The following KIF26A variants were observed in gnomAD, a reference collection of about 807,000 sequenced individuals.
KIF26A encodes kinesin-like protein KIF26A.
Under a neutral mutation model 126.0 loss-of-function variants are expected in KIF26A, and 74 were observed. That is an observed-to-expected ratio of 0.59 (90% CI 0.49 to 0.71). The LOEUF is 0.71. Ranked by LOEUF, KIF26A falls within the 30% of genes least tolerant of loss-of-function variation. The pLI, the probability that KIF26A is intolerant of heterozygous loss-of-function variation, is 0.00. For missense variants in KIF26A, 2,984 were observed against 2,763.3 expected (o/e 1.08, Z -1.79); for synonymous variants, 1,445 against 1,232.7 (o/e 1.17, Z -3.61).
Position 104,173,854 on chromosome 14 carries a change from G to C in KIF26A, c.2016G>C (p.Lys672Asn), listed in dbSNP as rs762537577. Residue 672 changes from lysine (K) to asparagine (N), a missense_variant, in exon 10 of 15, where the codon AAG (lysine) becomes AAC (asparagine). By Grantham distance (94) the Lys-to-Asn change is moderately conservative (BLOSUM62 0). Coordinates refer to ENST00000423312, the MANE Select transcript of KIF26A (RefSeq NM_015656.2). ...TCTTGGCCCTGGTCAACGGAGCCAAGCATGTGCCGTATCGGTGAGTGTAGG... is the reference window on the plus strand; with the variant it reads ...TCTTGGCCCTGGTCAACGGAGCCAACCATGTGCCGTATCGGTGAGTGTAGG... ...SVILALVNGA[K>N]HVPYRDHRLT... is the part of the protein sequence containing the mutation. 2 of 1,594,930 alleles carry C rather than the reference G, an allele frequency of 1.3e-6. No homozygotes were observed.
intron 2 of KIF26A, among the ~76,000 whole-genome samples, chr14:104,143,566 C>T (rs1007699206): frequency 6.6e-6 from 1 of 152,240 alleles, no homozygotes; most frequent in Non-Finnish European, 1.5e-5. Context: ...TCTCTGTCTC[C>T]ACAGCCCCCA....
Position 104,176,720 on chromosome 14 carries a change from C to A in KIF26A, c.3932C>A (p.Thr1311Asn). 1 of 1,585,186 alleles carries A rather than the reference C, an allele frequency of 6.3e-7. No individual in the cohort carries two copies. The highest frequency in any genetic ancestry group is 8.6e-7 in the Non-Finnish European group (1 of 1,166,596). ...ARIPPLRRGA[T>N]TLGVTTPAVS... ...ATCCCACCGCTGCGGAGGGGTGCCA[C>A]CACGCTGGGTGTGACAACGCCAGCT... is the stretch of plus-strand genomic sequence containing the variant. The change falls in exon 12 of 15, where the codon ACC becomes AAC. Residue 1311 changes from threonine to asparagine, a missense_variant. Transcript: ENST00000423312.
intron 4 of KIF26A, among the ~76,000 whole-genome samples, chr14:104,165,157 G>A (rs1566860601): frequency 6.6e-6 from 1 of 151,668 alleles, no homozygotes; most frequent in African/African-American, 2.4e-5. Context: ...GTATGCATGT[G>A]TGTATCTCTA....
In KIF26A at chr14:104,176,662, A is replaced by T; in HGVS notation, c.3874A>T (p.Arg1292Trp). 1 of 1,600,010 alleles carries T rather than the reference A, an allele frequency of 6.2e-7. No homozygotes were observed. The highest frequency in any genetic ancestry group is 8.5e-7 in the Non-Finnish European group (1 of 1,173,096). Residue 1292 changes from arginine (R) to tryptophan (W), a missense_variant, in exon 12 of 15, where the codon AGG becomes TGG. Coordinates refer to ENST00000423312, the MANE Select transcript of KIF26A (RefSeq NM_015656.2). ...RVVDGCEVAA[R>W]AARRPEAVAR... is the part of the protein sequence containing the mutation. ...GGTGGACGGGTGTGAGGTGGCAGCC[A>T]GGGCGGCCCGCAGGCCAGAGGCTGT... is the stretch of plus-strand genomic sequence containing the variant.
chr14:104,160,736 A>T (rs923306489), intron 4 of KIF26A, among the ~76,000 whole-genome samples: 1 of 152,162 alleles, frequency 6.6e-6, no homozygotes, highest in Admixed American at 6.5e-5. Context: ...CGGCGCTGGG[A>T]GCCTCTGCAG....
chr14:104,176,672 G>T lies in KIF26A; in HGVS notation c.3884G>T (p.Arg1295Leu). 1.3e-6 allele frequency: 2 copies of T among 1,597,144 alleles called. No homozygotes were observed. The highest frequency in any genetic ancestry group is 1.7e-6 in the Non-Finnish European group (2 of 1,171,804). Residue 1295 changes from arginine to leucine, a missense_variant, in exon 12 of 15, where the codon CGC (arginine) becomes CTC (leucine). Arg to Leu is a moderately radical substitution (Grantham distance 102). Coordinates refer to ENST00000423312, the MANE Select transcript of KIF26A (RefSeq NM_015656.2). ...DGCEVAARAA[R>L]RPEAVARIPP... ...TGTGAGGTGGCAGCCAGGGCGGCCC[G>T]CAGGCCAGAGGCTGTGGCTCGGATC... is the stretch of plus-strand genomic sequence containing the variant.
intron 2 of KIF26A, among the ~76,000 whole-genome samples, chr14:104,150,151 C>G (rs1326969906): frequency 8.0e-6 from 1 of 125,624 alleles, no homozygotes; most frequent in Non-Finnish European, 1.7e-5. Flanking sequence ...CCTCCCCCTC[C>G]TCCTCCTCCC....
chr14:104,177,719 C>G lies in KIF26A; in HGVS notation c.4931C>G (p.Ala1644Gly). The G allele has an allele frequency of 6.5e-7, 1 of 1,536,586 alleles. No individual in the cohort carries two copies. Among genetic ancestry groups the G allele is most frequent in the Non-Finnish European group, 8.7e-7 (1 of 1,147,244 alleles). The change falls in exon 12 of 15, where the codon GCC (alanine) becomes GGC (glycine). Residue 1644 changes from alanine (A) to glycine (G), a missense_variant. Coordinates refer to ENST00000423312, the MANE Select transcript of KIF26A (RefSeq NM_015656.2). ...GTGCTGAGTGGAGAGCTGCCGCCCG[C>G]CATGGGCCGCACCGCCCTTTTCCAC... ...SSVLSGELPPAMGRTALFHHS... is the reference protein window; with the variant it reads ...SSVLSGELPPGMGRTALFHHS...
rs2037612616 is a variant in KIF26A, at chr14:104,139,165, G to A, written c.165G>A (p.Gly55=). 6 of 1,525,776 alleles carry A rather than the reference G, an allele frequency of 3.9e-6. No homozygotes were observed. The highest frequency in any genetic ancestry group is 5.3e-6 in the Non-Finnish European group (6 of 1,137,004). The allele number at this position is 1,525,776 out of a possible 1,614,324, so 94.5% of individuals were successfully genotyped here. ...CGSRPAPEGA[G]AGPEQGHSAG... The stretch of plus-strand genomic sequence containing the variant: ...GCCGCCCTGCTCCCGAAGGCGCCGG[G>A]GCCGGCCCAGAGCAGGGCCACTCGG... Residue 55 remains glycine, a synonymous_variant, in exon 2 of 15, where the codon GGG becomes GGA. Transcript: ENST00000423312.
rs977848155 is a variant in KIF26A, at chr14:104,179,322, G to C, written c.5403G>C (p.Leu1801=). The C allele has an allele frequency of 4.5e-6, 7 of 1,540,670 alleles. No individual in the cohort carries two copies. Among genetic ancestry groups the C allele is most frequent in the Non-Finnish European group, 5.2e-6 (6 of 1,146,450 alleles). Residue 1801 remains leucine, a synonymous_variant, in exon 14 of 15, where the codon CTG becomes CTC. Transcript: ENST00000423312. ...LREVQAKHKH[L]CEELAETQGR... ...AGGTGCAGGCCAAGCACAAGCACCT[G>C]TGTGAGGAGCTGGCCGAGACCCAGG...
chr14:104,164,243 G>A (rs75996946), intron 4 of KIF26A, among the ~76,000 whole-genome samples: 1,583 of 152,084 alleles, frequency 0.01, 31 homozygotes, highest in African/African-American at 0.036. Flanking sequence ...GTGAGAGGCC[G>A]AGGGCTGTGG....
In KIF26A at chr14:104,180,146, T is replaced by A. The variant is rs2038086654; in HGVS notation, c.*356T>A. 1 of 218,832 alleles carries A rather than the reference T, an allele frequency of 4.6e-6. No homozygotes were observed. The highest frequency in any genetic ancestry group is 1.7e-4 in the South Asian group (1 of 5,958). 13.6% of individuals were successfully genotyped at this position (218,832 alleles called of 1,614,324 possible). A position where few individuals can be genotyped will look rare whatever the true frequency, so the allele number is the denominator to read the frequency against. ...TCCGGGCCGGGGCTGGCGCCGGTTG[T>A]GTTTGTGTCCACCTTGCCTTCTTTG... On this transcript the variant is annotated 3_prime_UTR_variant, in exon 15 of 15. Coordinates refer to ENST00000423312, the MANE Select transcript of KIF26A (RefSeq NM_015656.2).
intron 3 of KIF26A, among the ~76,000 whole-genome samples, chr14:104,157,442 C>G (rs982557794): frequency 1.3e-5 from 2 of 152,080 alleles, no homozygotes; most frequent in African/African-American, 2.4e-5. Flanking sequence ...GGGGGAGAGG[C>G]GGAAAGTCTG....
chr14:104,163,286 T>C (rs1596141333), intron 4 of KIF26A, among the ~76,000 whole-genome samples: 1 of 152,150 alleles, frequency 6.6e-6, no homozygotes, highest in Admixed American at 6.5e-5. Context: ...GGGGGCTCAC[T>C]TTGAGGTTTG....
At chr14:104,139,016 G>A in intron 1 of KIF26A, 27 bp from the exon 2 acceptor site, 5 of 1,330,356 alleles carry the variant, frequency 3.8e-6, no homozygotes, top group Non-Finnish European at 4.8e-6. Flanking sequence ...CAGGCTCACT[G>A]TCCGCTTCCG....
rs746167594 is a variant in KIF26A at position 104,177,288 on chromosome 14, C to T, written c.4500C>T (p.Gly1500=). The T allele has an allele frequency of 5.1e-6, 8 of 1,583,648 alleles. No homozygotes were observed. The East Asian group carries it at 1.1e-4, about 23-fold the overall frequency. ...AGCCCCCTGTTGGTGGAGGCAAGGG[C>T]CGTGGCCTAGTGGCTGGTGGGTCGC... The part of the protein sequence containing the change: ...APKPPVGGGK[G]RGLVAGGSRA... Residue 1500 remains glycine, a synonymous_variant, in exon 12 of 15, where the codon GGC becomes GGT. Coordinates refer to ENST00000423312, the MANE Select transcript of KIF26A (RefSeq NM_015656.2).
intron 4 of KIF26A, among the ~76,000 whole-genome samples, chr14:104,165,431 GTCTGTC>G (rs143261881): frequency 0.014 from 2,033 of 147,640 alleles, 32 homozygotes; most frequent in Admixed American, 0.037. Context: ...ATGCGTGTGT[GTCTGTC>G]TCTGTGTGTG....
In KIF26A at chr14:104,179,289, G is replaced by T. The variant is rs770479905; in HGVS notation, c.5370G>T (p.Arg1790=). 1.2e-5 allele frequency: 19 copies of T among 1,534,134 alleles called. No individual in the cohort carries two copies. Among genetic ancestry groups the T allele is most frequent in the Non-Finnish European group, 1.5e-5 (17 of 1,144,280 alleles). The part of the protein sequence containing the change: ...RLRLAERRQQ[R]LREVQAKHKH... The stretch of plus-strand genomic sequence containing the variant: ...GGCTGGCGGAGCGCAGGCAGCAGCG[G>T]CTGCGGGAGGTGCAGGCCAAGCACA... Residue 1790 remains arginine (R), a synonymous_variant, in exon 14 of 15, where the codon CGG becomes CGT. Coordinates refer to ENST00000423312, the MANE Select transcript of KIF26A (RefSeq NM_015656.2).
chr14:104,139,312 A>G, intron 2 of KIF26A, 24 bp downstream of exon 2: 1 of 1,444,346 alleles, frequency 6.9e-7, no homozygotes, highest in South Asian at 1.5e-5. Flanking sequence ...CCTTAGGCCG[A>G]CCCCTCCGAG....
Sources: gnomAD v4.1 joint callset for allele counts (sites outside exome capture counted in the v4.1 genomes callset) on GRCh38, gnomAD v4.1.1 for gene constraint, MANE v1.5 for transcripts, NCBI Gene and HGNC (gene_info 2026-07-23, HGNC 2026-07-21) for gene names.